PSD4: variants seen among roughly 807,000 people sequenced by gnomAD.
PSD4 encodes the protein PH and SEC7 domain-containing protein 4.
Under a neutral mutation model 112.5 loss-of-function variants are expected in PSD4, and 59 were observed. That is an observed-to-expected ratio of 0.52 (90% confidence interval 0.43 to 0.65). The LOEUF is 0.65. PSD4 is among the 30% of genes least tolerant of loss of function. PSD4 has a pLI of 0.00. For missense variants in PSD4, 1,267 were observed against 1,352.6 expected, an observed-to-expected ratio of 0.94 and a Z score of 0.99; for synonymous variants, 533 against 540.0, an observed-to-expected ratio of 0.99 and a Z score of 0.18.
chr2:113,208,272 G>A lies in PSD4; in HGVS notation c.*6857G>A, dbSNP rs1688892730. 6.6e-6 allele frequency: 1 copy of A among 152,218 alleles called. No individual in the cohort carries two copies. Among genetic ancestry groups the A allele is most frequent in the Non-Finnish European group, 1.5e-5 (1 of 68,060 alleles). 9.4% of individuals were successfully genotyped at this position (152,218 alleles called of 1,614,324 possible). ...TGGGCTTTCAAGATAGTTTCTGGAA[G>A]AAGTCTCTAAATCTAAGCCTTCAAC... On this transcript the variant is annotated 3_prime_UTR_variant, in exon 17 of 17. Transcript: ENST00000245796.
intron 16 of PSD4, among the ~76,000 whole-genome samples, 157 bp from the exon 17 acceptor site, chr2:113,201,001 A>C (rs867170783): frequency 7.9e-5 from 12 of 152,174 alleles, no homozygotes; most frequent in African/African-American, 1.2e-4. Flanking sequence ...CTGCTTATCC[A>C]AGCATTATAC....
chr2:113,198,038 A>G lies in PSD4; in HGVS notation c.2624+125A>G, dbSNP rs1688662525. ...TCCTGGTGGGAATGGCCGTATGATC[A>G]GAAATTCTTAGAAAGCGGCAGCAGG... is the stretch of plus-strand genomic sequence containing the variant. On this transcript the variant is annotated intron_variant, in intron 14 of 16. Coordinates refer to ENST00000245796, the MANE Select transcript of PSD4 (RefSeq NM_012455.3). The G allele has an allele frequency of 2.6e-6, 3 of 1,149,250 alleles. No individual in the cohort carries two copies. In the South Asian group the frequency reaches 5.6e-5, roughly 21 times the overall value. The allele number at this position is 1,149,250 out of a possible 1,614,324, so 71.2% of individuals were successfully genotyped here. A position where few individuals can be genotyped will look rare whatever the true frequency, so the allele number is the denominator to read the frequency against.
intron 1 of PSD4, among the ~76,000 whole-genome samples, chr2:113,178,186 C>G (rs1573347703): frequency 2.0e-5 from 3 of 152,248 alleles, no homozygotes; most frequent in Admixed American, 2.0e-4. Context: ...CCACTGCACT[C>G]TAGCCTGGGT....
intron 5 of PSD4, among the ~76,000 whole-genome samples, chr2:113,187,029 T>A (rs1480663252): frequency 6.6e-6 from 1 of 152,082 alleles, no homozygotes; most frequent in Non-Finnish European, 1.5e-5. Context: ...GTGGCAAGGG[T>A]TCCCCGAGCT....
At chr2:113,195,565 A>C (rs1688584643) in intron 10 of PSD4, among the ~76,000 whole-genome samples, 162 bp from the exon 11 acceptor site, 1 of 104,122 alleles carries the variant, frequency 9.6e-6, no homozygotes, top group African/African-American at 2.9e-5. Context: ...GGATGGATGG[A>C]TGGATGGATG....
chr2:113,195,534 C>CAGAT lies in PSD4; in HGVS notation c.2182-193_2182-192insAGAT, dbSNP rs562274487. On this transcript the variant is annotated intron_variant, in intron 10 of 16. Coordinates refer to ENST00000245796, the MANE Select transcript of PSD4 (RefSeq NM_012455.3). ...AATACTCCAGAAATACTTTGTTGCACGGATGGATGGATGGATGGATGGATG... is the reference window on the plus strand; with the variant it reads ...AATACTCCAGAAATACTTTGTTGCACAGATGGATGGATGGATGGATGGATGGATG... Among the ~76,000 whole-genome samples, 541 of 150,630 alleles carry CAGAT rather than the reference C, an allele frequency of 3.6e-3. 9 individuals are homozygous for CAGAT. The South Asian group carries it at 0.048, about 13-fold the overall frequency.
In PSD4 at chr2:113,185,402, C is replaced by G. The variant is rs1360874285; in HGVS notation, c.1211C>G (p.Pro404Arg). 9.9e-6 allele frequency: 16 copies of G among 1,614,080 alleles called. No individual in the cohort carries two copies. Among genetic ancestry groups the G allele is most frequent in the Non-Finnish European group, 1.4e-5 (16 of 1,180,046 alleles). The change falls in exon 4 of 17, where the codon CCT becomes CGT. Residue 404 changes from proline to arginine, a missense_variant. By Grantham distance (103) the Pro-to-Arg change is moderately radical. Around this residue, in one of 2 missense-constraint regions of PSD4, gnomAD observed 723 missense variants for 704.0 expected, o/e 1.03. Coordinates refer to ENST00000245796, the MANE Select transcript of PSD4 (RefSeq NM_012455.3). ...CCTGAGGGCTGGCAGAGAGGAGGTC[C>G]TTTTTGGCCCCAGGTGACTCTTAAC... ...LSPEGWQRGGPFWPQVTLNSQ... is the reference protein window; with the variant it reads ...LSPEGWQRGGRFWPQVTLNSQ...
intron 1 of PSD4, among the ~76,000 whole-genome samples, chr2:113,181,655 C>T (rs961584614): frequency 1.3e-5 from 2 of 152,136 alleles, no homozygotes; most frequent in South Asian, 4.1e-4. Context: ...GGGTGGTAGG[C>T]AGCAGGGCTG....
chr2:113,186,038 C>T lies in PSD4; in HGVS notation c.1411C>T (p.Gln471Ter). ...SPASSQEGSP[Q>*]LQHHSSGILP... ...TGCATCGTCCCAGGAGGGCAGCCCG[C>T]AGCTTCAACACCACAGCTCAGGCAT... is the stretch of plus-strand genomic sequence containing the variant. The change falls in exon 5 of 17, where the codon CAG becomes TAG. Residue 471 changes from glutamine to a stop codon, truncating the protein, a stop_gained. Transcript: ENST00000245796. LOFTEE classifies it high-confidence loss of function. The T allele has an allele frequency of 1.2e-6, 2 of 1,614,252 alleles. No homozygotes were observed. Among genetic ancestry groups the T allele is most frequent in the Non-Finnish European group, 1.7e-6 (2 of 1,180,042 alleles).
In PSD4 at chr2:113,208,676, T is replaced by C. The variant is rs1386601534; in HGVS notation, c.*7261T>C. The C allele has an allele frequency of 6.6e-6, 1 of 152,284 alleles. No individual in the cohort carries two copies. Among genetic ancestry groups the C allele is most frequent in the East Asian group, 1.9e-4 (1 of 5,198 alleles). The allele number at this position is 152,284 out of a possible 1,614,324, so 9.4% of individuals were successfully genotyped here. A position where few individuals can be genotyped will look rare whatever the true frequency, so the allele number is the denominator to read the frequency against. On this transcript the variant is annotated 3_prime_UTR_variant, in exon 17 of 17. Transcript: ENST00000245796. Reference sequence around the variant, plus strand: ...GTACCCAGACACAGAAGAGATGCTTTCCCTGTGCAGGCTTGCTGACAGTCT... The same window carrying C: ...GTACCCAGACACAGAAGAGATGCTTCCCCTGTGCAGGCTTGCTGACAGTCT...
In PSD4 at chr2:113,182,375, G is replaced by T; in HGVS notation, c.-82G>T. 1 of 1,315,320 alleles carries T rather than the reference G, an allele frequency of 7.6e-7. No individual in the cohort carries two copies. The highest frequency in any genetic ancestry group is 1.1e-6 in the Non-Finnish European group (1 of 951,024). The allele number at this position is 1,315,320 out of a possible 1,614,324, so 81.5% of individuals were successfully genotyped here. ...GATATGGATTCCCAGTTTCTCCAGCGGCCAGTGCTCCCCCTAGTCCACACA... is the reference window on the plus strand; with the variant it reads ...GATATGGATTCCCAGTTTCTCCAGCTGCCAGTGCTCCCCCTAGTCCACACA... On this transcript the variant is annotated 5_prime_UTR_variant, in exon 2 of 17. Coordinates refer to ENST00000245796, the MANE Select transcript of PSD4 (RefSeq NM_012455.3).
Position 113,176,885 on chromosome 2 carries a change from C to T in PSD4, c.-112+2831C>T, listed in dbSNP as rs529925369. 1.3e-4 allele frequency among the ~76,000 whole-genome samples: 20 copies of T among 152,278 alleles called. No individual in the cohort carries two copies. In the South Asian group the frequency reaches 1.4e-3, roughly 11 times the overall value. On this transcript the variant is annotated intron_variant, in intron 1 of 16. Coordinates refer to ENST00000245796, the MANE Select transcript of PSD4 (RefSeq NM_012455.3). ...ATCCTCCACCCTTCTGAGATCAGAC[C>T]GCCCTCACCTGGGTGACCGGTAGGA...
At position 113,196,404 on chromosome 2, in the gene PSD4, C is replaced by T. The variant is rs572247358; in HGVS notation, c.2386+97C>T. 17 of 1,439,820 alleles carry T rather than the reference C, an allele frequency of 1.2e-5. No individual in the cohort carries two copies. The East Asian group carries it at 2.5e-4, about 21-fold the overall frequency. 89.2% of individuals were successfully genotyped at this position (1,439,820 alleles called of 1,614,324 possible). On this transcript the variant is annotated intron_variant, in intron 12 of 16. Transcript: ENST00000245796. The stretch of plus-strand genomic sequence containing the variant: ...TGCACAGGTGTGCAGAGAGACAGCC[C>T]GCGTTGAGGACAGGCAGCCAGCCCA...
Position 113,196,278 on chromosome 2 carries a change from A to G in PSD4, c.2357A>G (p.Lys786Arg). The change falls in exon 12 of 17, where the codon AAA becomes AGA. Residue 786 changes from lysine to arginine, a missense_variant. Lys to Arg is a conservative substitution (Grantham distance 26, BLOSUM62 2). This residue lies in a region of PSD4 where 544 missense variants were observed against 648.6 expected (regional missense o/e 0.84). Coordinates refer to ENST00000245796, the MANE Select transcript of PSD4 (RefSeq NM_012455.3). ...TACAAGCAGGGCATCCTGGCTCGGA[A>G]AATGCATCAAGATGCAGACGGCAAG... ...PTYKQGILAR[K>R]MHQDADGKKT... is the part of the protein sequence containing the mutation. 6.2e-7 allele frequency: 1 copy of G among 1,613,784 alleles called. No individual in the cohort carries two copies. The highest frequency in any genetic ancestry group is 8.5e-7 in the Non-Finnish European group (1 of 1,179,714).
intron 5 of PSD4, among the ~76,000 whole-genome samples, chr2:113,188,770 C>T (rs898156051): frequency 1.1e-4 from 17 of 152,086 alleles, no homozygotes; most frequent in East Asian, 1.9e-4. Flanking sequence ...TTAGTAGAGA[C>T]GGGGTTTCCC....
chr2:113,194,464 T>G (rs1215531936), intron 10 of PSD4, among the ~76,000 whole-genome samples: 1 of 152,276 alleles, frequency 6.6e-6, no homozygotes, highest in Admixed American at 6.5e-5. Flanking sequence ...ATGTGTGTCA[T>G]AAGCAATTAA....
At position 113,182,988 on chromosome 2, in the gene PSD4, G is replaced by A. The variant is rs763191651; in HGVS notation, c.532G>A (p.Glu178Lys). Residue 178 changes from glutamate to lysine, a missense_variant, in exon 2 of 17, where the codon GAA (glutamate) becomes AAA (lysine). Physicochemically the swap from Glu to Lys is moderately conservative, Grantham distance 56. Coordinates refer to ENST00000245796, the MANE Select transcript of PSD4 (RefSeq NM_012455.3). The stretch of plus-strand genomic sequence containing the variant: ...CCTGGAGGAGGAGCTGGAGAAGACG[G>A]AAGGGCTCAAGGCTGGGCTGAAATG... ...LDLEEELEKT[E>K]GLKAGLKCCL... 1.1e-5 allele frequency: 18 copies of A among 1,614,066 alleles called. No individual in the cohort carries two copies. The highest frequency in any genetic ancestry group is 1.7e-5 in the Admixed American group (1 of 60,008).
At chr2:113,200,559 C>T (rs1205972616) in intron 16 of PSD4, among the ~76,000 whole-genome samples, 1 of 152,194 alleles carries the variant, frequency 6.6e-6, no homozygotes, top group East Asian at 1.9e-4. Context: ...TCCCACTGAC[C>T]AGCTGGGACC....
chr2:113,198,936 G>C (rs1226391425), intron 15 of PSD4, 52 bp downstream of exon 15: 1 of 1,538,152 alleles, frequency 6.5e-7, no homozygotes, highest in South Asian at 1.2e-5. Flanking sequence ...ATGTGCACCT[G>C]GAGCCCCAGG....
Sources: gnomAD v4.1 joint callset for allele counts (sites outside exome capture counted in the v4.1 genomes callset) on GRCh38, gnomAD v4.1.1 for gene constraint, gnomAD v4.1.1 regional missense constraint, MANE v1.5 for transcripts, NCBI Gene and HGNC (gene_info 2026-07-23, HGNC 2026-07-21) for gene names.